PARVA: variants seen among roughly 807,000 people sequenced by gnomAD.
The protein encoded by PARVA is parvin alpha, also known as alpha-parvin.
In PARVA, 25 loss-of-function variants were observed where a neutral mutation model predicts 52.6. The observed-to-expected ratio is 0.48, with a 90% confidence interval of 0.35 to 0.66. PARVA has a LOEUF of 0.66. Ranked by LOEUF, PARVA falls within the 30% of genes least tolerant of loss-of-function variation. The pLI is 0.01. For missense variants in PARVA, 373 were observed against 450.9 expected (o/e 0.83, Z 1.56); for synonymous variants, 185 against 179.1 (o/e 1.03, Z -0.26).
chr11:12,452,403 G>C (rs144868053), intron 1 of PARVA, among the ~76,000 whole-genome samples: 14 of 151,848 alleles, frequency 9.2e-5, no homozygotes, highest in African/African-American at 2.9e-4. Flanking sequence ...TTAGATCTTC[G>C]TGATCTAGTT....
chr11:12,530,986 G>C lies in PARVA; in HGVS notation c.*3061G>C, dbSNP rs777534162. 6.6e-6 allele frequency among the ~76,000 whole-genome samples: 1 copy of C among 152,126 alleles called. No individual in the cohort carries two copies. Among genetic ancestry groups the C allele is most frequent in the Non-Finnish European group, 1.5e-5 (1 of 68,016 alleles). Reference sequence around the variant, plus strand: ...GAGGCATCCTCATGTGCCTCGAACCGAATGTTTTTAAGTCCTCTTTTGGAA... The same window carrying C: ...GAGGCATCCTCATGTGCCTCGAACCCAATGTTTTTAAGTCCTCTTTTGGAA... On this transcript the variant is annotated 3_prime_UTR_variant, in exon 13 of 13. Coordinates refer to ENST00000334956, the MANE Select transcript of PARVA (RefSeq NM_018222.5).
At chr11:12,479,760 C>T (rs1403156400) in intron 4 of PARVA, 1 of 152,158 alleles carries the variant, frequency 6.6e-6, no homozygotes, top group East Asian at 1.9e-4. Context: ...TATCTGTATA[C>T]ATACATGTAA....
intron 12 of PARVA, among the ~76,000 whole-genome samples, chr11:12,522,772 T>C (rs1212153975): frequency 7.7e-6 from 1 of 129,292 alleles, no homozygotes; most frequent in Non-Finnish European, 1.6e-5. Context: ...ATTATAGCTA[T>C]ACCTCAGTAA....
chr11:12,476,864 C>T (rs1395756716), intron 3 of PARVA, among the ~76,000 whole-genome samples: 1 of 152,188 alleles, frequency 6.6e-6, no homozygotes, highest in Non-Finnish European at 1.5e-5. Context: ...GTTATAAAGG[C>T]AGCATACTTA....
At chr11:12,453,248 A>G (rs921061016) in intron 1 of PARVA, among the ~76,000 whole-genome samples, 3 of 151,980 alleles carry the variant, frequency 2.0e-5, no homozygotes, top group Non-Finnish European at 4.4e-5. Context: ...GGTGTCTGAT[A>G]TTTAGAGATA....
chr11:12,427,657 T>A lies in PARVA; in HGVS notation c.137-46088T>A, dbSNP rs149178124. ...TTAAAGGCATACAAAAAAACAATTA[T>A]CTTGAAACTTTTGTCTTATGGGTCA... is the stretch of plus-strand genomic sequence containing the variant. On this transcript the variant is annotated intron_variant, in intron 1 of 12. Coordinates refer to ENST00000334956, the MANE Select transcript of PARVA (RefSeq NM_018222.5). Among the ~76,000 whole-genome samples the A allele has an allele frequency of 1.6e-3, 245 of 152,318 alleles. 2 individuals are homozygous for A. The highest frequency in any genetic ancestry group is 5.5e-3 in the African/African-American group (230 of 41,578).
At chr11:12,437,981 C>A (rs992793579) in intron 1 of PARVA, among the ~76,000 whole-genome samples, 1 of 152,118 alleles carries the variant, frequency 6.6e-6, no homozygotes, top group Non-Finnish European at 1.5e-5. Flanking sequence ...CATACATAGG[C>A]CGGGCGCAGT....
At chr11:12,413,380 A>G (rs1318293098) in intron 1 of PARVA, among the ~76,000 whole-genome samples, 1 of 152,242 alleles carries the variant, frequency 6.6e-6, no homozygotes, top group Non-Finnish European at 1.5e-5. Flanking sequence ...CACGAGGCAG[A>G]AATGTATAGG....
intron 1 of PARVA, among the ~76,000 whole-genome samples, chr11:12,469,215 G>A (rs551924569): frequency 6.6e-6 from 1 of 152,190 alleles, no homozygotes; most frequent in African/African-American, 2.4e-5. Flanking sequence ...AAATCCACAC[G>A]CCAAAGCCCA....
At chr11:12,443,079 T>C (rs1940491010) in intron 1 of PARVA, among the ~76,000 whole-genome samples, 1 of 151,872 alleles carries the variant, frequency 6.6e-6, no homozygotes, top group East Asian at 1.9e-4. Context: ...GCCAGGATGG[T>C]CTTGATCTCC....
At chr11:12,474,561 GGCACTCATGAGTGTCATCCCA>G (rs775981172) in intron 3 of PARVA, among the ~76,000 whole-genome samples, 29 of 152,240 alleles carry the variant, frequency 1.9e-4, no homozygotes, top group Non-Finnish European at 3.7e-4. Flanking sequence ...TAAGACAAAA[GGCACTCATGAGTGTCATCCCA>G]GCACTCTGCG....
At chr11:12,449,095 T>G (rs904374376) in intron 1 of PARVA, among the ~76,000 whole-genome samples, 7 of 152,090 alleles carry the variant, frequency 4.6e-5, no homozygotes, top group African/African-American at 1.2e-4. Flanking sequence ...TCAATCTCAA[T>G]AAAAAGATTT....
At chr11:12,474,094 A>C in intron 3 of PARVA, 111 bp downstream of exon 3, 1 of 828,136 alleles carries the variant, frequency 1.2e-6, no homozygotes, top group Non-Finnish European at 2.0e-6. Flanking sequence ...GTAAAAAGTC[A>C]TGGCAGCCCC....
chr11:12,504,327 G>A lies in PARVA; in HGVS notation c.555G>A (p.Lys185=), dbSNP rs756989956. 6.2e-7 allele frequency: 1 copy of A among 1,608,618 alleles called. No individual in the cohort carries two copies. The highest frequency in any genetic ancestry group is 8.5e-7 in the Non-Finnish European group (1 of 1,175,150). Residue 185 remains lysine, a synonymous_variant, in exon 6 of 13, where the codon AAG becomes AAA. Coordinates refer to ENST00000334956, the MANE Select transcript of PARVA (RefSeq NM_018222.5). ...IKWNVDSVHA[K]SLVAILHLLV... is the part of the protein sequence containing the mutation. ...CTTTCATTTCAGCTGTTCATGCCAA[G>A]AGCCTGGTGGCCATCTTACACCTGC...
In PARVA at chr11:12,517,600, C is replaced by T. The variant is rs746282503; in HGVS notation, c.868-10C>T. ...CAGGGGCCAGTGCCATCACCTGGCT[C>T]TTCCTCCAGTTTGCAGATGGGGTGT... is the stretch of plus-strand genomic sequence containing the variant. On this transcript the variant is annotated splice_polypyrimidine_tract_variant and intron_variant, in intron 10 of 12. Coordinates refer to ENST00000334956, the MANE Select transcript of PARVA (RefSeq NM_018222.5). 2.0e-4 allele frequency: 318 copies of T among 1,577,910 alleles called. 1 individual carries two copies. Among genetic ancestry groups the T allele is most frequent in the Non-Finnish European group, 2.6e-4 (301 of 1,159,620 alleles).
intron 1 of PARVA, among the ~76,000 whole-genome samples, chr11:12,446,735 A>G (rs1940553126): frequency 6.6e-6 from 1 of 152,216 alleles, no homozygotes; most frequent in South Asian, 2.1e-4. Flanking sequence ...GCCTTGTCCA[A>G]TTATAAGGAT....
intron 1 of PARVA, among the ~76,000 whole-genome samples, chr11:12,460,291 C>G (rs1940759818): frequency 6.6e-6 from 1 of 152,158 alleles, no homozygotes; most frequent in African/African-American, 2.4e-5. Flanking sequence ...AGGATCAAAC[C>G]TTGGCTCCAC....
Position 12,477,949 on chromosome 11 carries a change from G to A in PARVA, c.400G>A (p.Glu134Lys), listed in dbSNP as rs781591602. ...YDGQVLQKLFEKLESEKLNVA... is the reference protein window; with the variant it reads ...YDGQVLQKLFKKLESEKLNVA... ...TGGACAAGTCCTGCAGAAGCTTTTCGGTAGGAGAGTTGAGTGCTGCAATGG... is the reference window on the plus strand; with the variant it reads ...TGGACAAGTCCTGCAGAAGCTTTTCAGTAGGAGAGTTGAGTGCTGCAATGG... The change falls in exon 4 of 13, where the codon GAG becomes AAG. Residue 134 changes from glutamate (E) to lysine (K), a missense_variant and splice_region_variant. Coordinates refer to ENST00000334956, the MANE Select transcript of PARVA (RefSeq NM_018222.5). 9.0e-6 allele frequency: 14 copies of A among 1,554,040 alleles called. No homozygotes were observed. The highest frequency in any genetic ancestry group is 1.4e-5 in the African/African-American group (1 of 73,680).
At chr11:12,464,769 G>T (rs1390672686) in intron 1 of PARVA, among the ~76,000 whole-genome samples, 1 of 152,142 alleles carries the variant, frequency 6.6e-6, no homozygotes, top group Non-Finnish European at 1.5e-5. Context: ...CCCCAATGTG[G>T]CAGTATTGAA....
Sources: allele counts gnomAD v4.1 joint callset (sites outside exome capture counted in the v4.1 genomes callset), GRCh38; gene constraint gnomAD v4.1.1; transcripts MANE v1.5; gene names NCBI Gene and HGNC (gene_info 2026-07-23, HGNC 2026-07-21).